The following RNF144B variants were observed in gnomAD, a reference collection of about 807,000 sequenced individuals.
The protein encoded by RNF144B is ring finger protein 144B.
Under a neutral mutation model 40.2 loss-of-function variants are expected in RNF144B, and 25 were observed. The ratio of observed to expected loss-of-function variants is 0.62; its 90% CI spans 0.45 to 0.87. The LOEUF (loss-of-function observed/expected upper bound fraction) is 0.87, where lower values mean the gene tolerates loss of function less well. Among genes scored for constraint, RNF144B ranks in the 40% least tolerant of loss-of-function variants. The pLI, the probability that RNF144B is intolerant of heterozygous loss-of-function variation, is 0.00. For synonymous variants in RNF144B, 145 were observed against 136.3 expected, an observed-to-expected ratio of 1.06 and a Z score of -0.44; for missense variants, 365 against 373.7, an observed-to-expected ratio of 0.98 and a Z score of 0.19.
intron 2 of RNF144B, among the ~76,000 whole-genome samples, chr6:18,411,241 C>T (rs533436384): frequency 3.0e-3 from 448 of 151,618 alleles, no homozygotes; most frequent in African/African-American, 0.011. Flanking sequence ...CCTCGGCCTC[C>T]CAAAGTGCTG....
intron 2 of RNF144B, among the ~76,000 whole-genome samples, chr6:18,403,182 T>C (rs1473047482): frequency 6.6e-6 from 1 of 152,260 alleles, no homozygotes; most frequent in Non-Finnish European, 1.5e-5. Flanking sequence ...TGCAATGCGT[T>C]CTTTCAGATA....
At chr6:18,454,777 C>G (rs540487377) in intron 4 of RNF144B, among the ~76,000 whole-genome samples, 1 of 152,236 alleles carries the variant, frequency 6.6e-6, no homozygotes, top group East Asian at 1.9e-4. Context: ...TTTTGTCACC[C>G]CAGATACCTG....
intron 2 of RNF144B, among the ~76,000 whole-genome samples, chr6:18,403,915 C>G (rs1484207272): frequency 1.3e-5 from 2 of 152,164 alleles, no homozygotes; most frequent in Admixed American, 6.5e-5. Context: ...AAAACTCACT[C>G]TGGCAGGAAC....
Position 18,465,266 on chromosome 6 carries a change from G to A in RNF144B, c.*199G>A. On this transcript the variant is annotated 3_prime_UTR_variant, in exon 8 of 8. Transcript: ENST00000259939. Reference sequence around the variant, plus strand: ...TGAGTGTTCCTGTGTAACAAGAACTGGGCTCAACGGTCCAGCTGTTTCTAT... The same window carrying A: ...TGAGTGTTCCTGTGTAACAAGAACTAGGCTCAACGGTCCAGCTGTTTCTAT... The A allele has an allele frequency of 6.7e-6, 4 of 592,796 alleles. No individual in the cohort carries two copies. In the South Asian group the frequency reaches 8.6e-5, roughly 13 times the overall value. 36.7% of individuals were successfully genotyped at this position (592,796 alleles called of 1,614,324 possible).
chr6:18,452,205 A>G (rs1759224283), intron 4 of RNF144B, among the ~76,000 whole-genome samples: 1 of 152,224 alleles, frequency 6.6e-6, no homozygotes, highest in Non-Finnish European at 1.5e-5. Context: ...GCTCTGAATC[A>G]ATAGGTGGGC....
At chr6:18,437,717 A>G (rs74524385) in intron 3 of RNF144B, among the ~76,000 whole-genome samples, 2,280 of 152,310 alleles carry the variant, frequency 0.015, 63 homozygotes, top group African/African-American at 0.051. Flanking sequence ...ATGTACTCCA[A>G]TGAAATTTAT....
At chr6:18,435,887 G>C (rs1186350783) in intron 3 of RNF144B, among the ~76,000 whole-genome samples, 1 of 141,594 alleles carries the variant, frequency 7.1e-6, no homozygotes, top group East Asian at 2.3e-4. Flanking sequence ...TTGGGGGAGG[G>C]GGGAGGGATA....
Position 18,452,380 on chromosome 6 carries a change from T to C in RNF144B, c.332-4775T>C, listed in dbSNP as rs140247276. Among the ~76,000 whole-genome samples the C allele has an allele frequency of 9.4e-4, 143 of 152,228 alleles. 1 individual carries two copies. Among genetic ancestry groups the C allele is most frequent in the African/African-American group, 3.0e-3 (125 of 41,526 alleles). ...ATTAAGGCATGTGCACAATAGAAGG[T>C]AGTTCACTTAAGAATGGATAGGTTA... On this transcript the variant is annotated intron_variant, in intron 4 of 7. Transcript: ENST00000259939.
chr6:18,436,983 A>G (rs1045347297), intron 3 of RNF144B, among the ~76,000 whole-genome samples: 1 of 152,158 alleles, frequency 6.6e-6, no homozygotes, highest in Admixed American at 6.6e-5. Context: ...AATCTGCAAA[A>G]TCCAACAGAC....
At chr6:18,439,557 A>G in intron 3 of RNF144B, 127 bp from the exon 4 acceptor site, 1 of 670,628 alleles carries the variant, frequency 1.5e-6, no homozygotes, top group Non-Finnish European at 2.7e-6. Flanking sequence ...GTGTGGAGAA[A>G]AAGAGGTTTG....
chr6:18,453,283 C>T (rs371367066), intron 4 of RNF144B, among the ~76,000 whole-genome samples: 2 of 151,304 alleles, frequency 1.3e-5, no homozygotes, highest in African/African-American at 2.4e-5. Flanking sequence ...GGATCACAGG[C>T]GCCCACCACC....
At chr6:18,463,992 T>C (rs983964341) in intron 7 of RNF144B, among the ~76,000 whole-genome samples, 4 of 152,094 alleles carry the variant, frequency 2.6e-5, no homozygotes, top group Admixed American at 6.5e-5. Flanking sequence ...GATTCAATTA[T>C]CTCCACCTGG....
rs1759333621 is a variant in RNF144B at position 18,456,688 on chromosome 6, G to A, written c.332-467G>A. On this transcript the variant is annotated intron_variant, in intron 4 of 7. Transcript: ENST00000259939. This position sits in a 1 kb window ranked among gnomAD's most constrained non-coding sequence, Gnocchi z 4.7. ...GGCTTAGCGACCTTGTAAATGATAGGTTTGGATCCATTATGAAGACTAATA... is the reference window on the plus strand; with the variant it reads ...GGCTTAGCGACCTTGTAAATGATAGATTTGGATCCATTATGAAGACTAATA... Among the ~76,000 whole-genome samples the A allele has an allele frequency of 6.6e-6, 1 of 152,146 alleles. No individual in the cohort carries two copies. The highest frequency in any genetic ancestry group is 2.1e-4 in the South Asian group (1 of 4,820).
At chr6:18,429,146 C>A (rs1336388239) in intron 3 of RNF144B, among the ~76,000 whole-genome samples, 1 of 151,990 alleles carries the variant, frequency 6.6e-6, no homozygotes, top group African/African-American at 2.4e-5. Flanking sequence ...TCCAGTAAGC[C>A]TTGATCACAT....
chr6:18,433,078 G>T (rs920732104), intron 3 of RNF144B, among the ~76,000 whole-genome samples: 2 of 152,248 alleles, frequency 1.3e-5, no homozygotes, highest in South Asian at 2.1e-4. Flanking sequence ...TGGGAAAGTT[G>T]GCTACAGTGA....
At chr6:18,463,466 C>A in intron 7 of RNF144B, 86 bp downstream of exon 7, 1 of 818,300 alleles carries the variant, frequency 1.2e-6, no homozygotes, top group Non-Finnish European at 2.1e-6. Context: ...TCATTATTCC[C>A]TCCTGGGAGG....
chr6:18,436,173 A>C (rs1758820511), intron 3 of RNF144B, among the ~76,000 whole-genome samples: 1 of 152,196 alleles, frequency 6.6e-6, no homozygotes, highest in African/African-American at 2.4e-5. Flanking sequence ...ACCTGAATCT[A>C]ATCATGAGAA....
intron 3 of RNF144B, among the ~76,000 whole-genome samples, chr6:18,428,695 C>T (rs186189818): frequency 3.3e-5 from 5 of 152,240 alleles, no homozygotes; most frequent in East Asian, 3.9e-4. Context: ...TTGCACCAGG[C>T]ACCACCACCC....
intron 3 of RNF144B, among the ~76,000 whole-genome samples, chr6:18,430,541 C>A (rs1413764012): frequency 6.6e-6 from 1 of 152,020 alleles, no homozygotes; most frequent in East Asian, 1.9e-4. Context: ...GTTGCCCATG[C>A]TGGAGTACAG....
Sources: allele counts gnomAD v4.1 joint callset (sites outside exome capture counted in the v4.1 genomes callset), GRCh38; gene constraint gnomAD v4.1.1; non-coding constraint Gnocchi (gnomAD v3.1); transcripts MANE v1.5; gene names NCBI Gene and HGNC (gene_info 2026-07-23, HGNC 2026-07-21).